The following DCDC1 variants were observed in gnomAD, a reference collection of about 807,000 sequenced individuals.
The protein encoded by DCDC1 is doublecortin domain-containing protein 1.
A neutral mutation model predicts 178.3 loss-of-function variants in DCDC1; 200 were observed. The ratio of observed to expected loss-of-function variants is 1.12; its 90% confidence interval spans 1.00 to 1.26. DCDC1 has a LOEUF of 1.26. DCDC1 is among the 50% of genes most tolerant of loss of function. The pLI, the probability that DCDC1 is intolerant of heterozygous loss-of-function variation, is 0.00. For synonymous variants in DCDC1, 690 were observed against 604.8 expected (o/e 1.14, Z -2.07); for missense variants, 1,983 against 1,749.2 (o/e 1.13, Z -2.38).
chr11:30,943,733 C>T, intron 21 of DCDC1: 1 of 412,214 alleles, frequency 2.4e-6, no homozygotes, highest in South Asian at 1.8e-5. Flanking sequence ...AAGGCTTTAC[C>T]ATATTTAAAA....
chr11:31,089,810 C>T (rs1438021160), intron 17 of DCDC1, among the ~76,000 whole-genome samples: 2 of 152,096 alleles, frequency 1.3e-5, no homozygotes, highest in Admixed American at 6.5e-5. Context: ...ATTTAGTTAA[C>T]ATGTTCAATC....
intron 3 of DCDC1, among the ~76,000 whole-genome samples, chr11:31,313,744 T>C (rs1336197753): frequency 6.6e-6 from 1 of 152,156 alleles, no homozygotes; most frequent in Admixed American, 6.6e-5. Flanking sequence ...ACAGGTATAG[T>C]TCCTTTGCAT....
chr11:31,213,865 T>C (rs1277699364), intron 9 of DCDC1, among the ~76,000 whole-genome samples: 1 of 134,826 alleles, frequency 7.4e-6, no homozygotes, highest in Non-Finnish European at 1.7e-5. Context: ...TCACTCATAT[T>C]AGAGAAAAAG....
intron 20 of DCDC1, among the ~76,000 whole-genome samples, chr11:31,040,524 G>T (rs1021392510): frequency 2.2e-4 from 33 of 152,168 alleles, no homozygotes; most frequent in African/African-American, 7.2e-4. Context: ...AATTCTTCCA[G>T]TTACTGGTTG....
At position 30,908,935 on chromosome 11, in the gene DCDC1, G is replaced by A. The variant is rs201404218; in HGVS notation, c.3918+11C>T. On this transcript the variant is annotated intron_variant, in intron 29 of 38. Transcript: ENST00000684477. Reference sequence around the variant, plus strand: ...TTTTTCTTTTATCTTTGAGAGGAAGGAACCACTTACTGGTTGATCAATGTT... The same window carrying A: ...TTTTTCTTTTATCTTTGAGAGGAAGAAACCACTTACTGGTTGATCAATGTT... 2 of 1,573,278 alleles carry A rather than the reference G, an allele frequency of 1.3e-6. No individual in the cohort carries two copies. The highest frequency in any genetic ancestry group is 2.3e-5 in the East Asian group (1 of 43,534).
chr11:31,149,973 T>C (rs1964980518), intron 9 of DCDC1, among the ~76,000 whole-genome samples: 1 of 152,216 alleles, frequency 6.6e-6, no homozygotes, highest in Admixed American at 6.5e-5. Flanking sequence ...ATCAAATGGT[T>C]GTTCTACTTT....
intron 20 of DCDC1, among the ~76,000 whole-genome samples, chr11:30,995,868 C>T (rs1383326899): frequency 6.6e-6 from 1 of 152,164 alleles, no homozygotes; most frequent in African/African-American, 2.4e-5. Flanking sequence ...ATTTTAGATA[C>T]ATCCCCAAAG....
intron 9 of DCDC1, among the ~76,000 whole-genome samples, chr11:31,164,595 T>G (rs1337834189): frequency 6.6e-6 from 1 of 152,038 alleles, no homozygotes; most frequent in Non-Finnish European, 1.5e-5. Flanking sequence ...AGAAAAAAGT[T>G]TATAGAAGGA....
At chr11:31,114,199 C>A (rs972887959) in intron 11 of DCDC1, among the ~76,000 whole-genome samples, 4 of 152,084 alleles carry the variant, frequency 2.6e-5, no homozygotes, top group Admixed American at 2.6e-4. Context: ...CTTAGCCATA[C>A]CTCAAAAATG....
chr11:31,113,780 G>C (rs1352626868), intron 11 of DCDC1, among the ~76,000 whole-genome samples: 2 of 151,934 alleles, frequency 1.3e-5, no homozygotes, highest in Non-Finnish European at 2.9e-5. Flanking sequence ...CTCTAGCATG[G>C]TTAATAAAAA....
intron 20 of DCDC1, among the ~76,000 whole-genome samples, chr11:30,965,604 A>ATT (rs34030732): frequency 4.8e-4 from 72 of 148,472 alleles, no homozygotes; most frequent in African/African-American, 1.3e-3. Context: ...TGTTTTTTTA[A>ATT]TTTTTTTTTA....
intron 9 of DCDC1, among the ~76,000 whole-genome samples, chr11:31,228,633 A>G (rs1357054806): frequency 1.3e-5 from 2 of 152,078 alleles, no homozygotes; most frequent in Non-Finnish European, 2.9e-5. Flanking sequence ...CTTGGAAAAT[A>G]TCAATAAAAT....
chr11:31,203,424 T>C (rs1366557834), intron 9 of DCDC1, among the ~76,000 whole-genome samples: 1 of 152,150 alleles, frequency 6.6e-6, no homozygotes, highest in Admixed American at 6.6e-5. Flanking sequence ...TCTGAGGTCA[T>C]AGGGATAGTT....
chr11:31,102,201 C>T lies in DCDC1; in HGVS notation c.1959G>A (p.Leu653=), dbSNP rs759882729. 4.1e-6 allele frequency: 3 copies of T among 727,278 alleles called. No individual in the cohort carries two copies. Among genetic ancestry groups the T allele is most frequent in the Non-Finnish European group, 5.1e-6 (2 of 394,388 alleles). 45.1% of individuals were successfully genotyped at this position (727,278 alleles called of 1,614,324 possible). ...CCTTGTTCTGTAGAAAATGGTTCTC[C>T]AAGTCCACCTTTTCAAACTGGTCAG... ...QIPDQFEKVD[L]ENHFLQNKVD... is the part of the protein sequence containing the mutation. Residue 653 remains leucine, a synonymous_variant, in exon 15 of 39, where the codon TTG becomes TTA. Coordinates refer to ENST00000684477, the MANE Select transcript of DCDC1 (RefSeq NM_001387274.1).
At chr11:31,038,723 G>T (rs909757534) in intron 20 of DCDC1, among the ~76,000 whole-genome samples, 4 of 152,128 alleles carry the variant, frequency 2.6e-5, no homozygotes, top group African/African-American at 9.7e-5. Flanking sequence ...AGTGCTCCTG[G>T]CATGGAGCAT....
chr11:31,363,291 C>A (rs1289193327), intron 1 of DCDC1, among the ~76,000 whole-genome samples: 1 of 152,098 alleles, frequency 6.6e-6, no homozygotes, highest in Admixed American at 6.5e-5. Context: ...ATGAATTCTA[C>A]TCTTCCATAT....
Position 30,935,587 on chromosome 11 carries a change from C to T in DCDC1, c.2716-3635G>A, listed in dbSNP as rs146293955. ...TGGGTTTTTTTGAGACAGAGTCCCA[C>T]CCTGTCACCAGGCTGGAGTACAATG... is the stretch of plus-strand genomic sequence containing the variant. On this transcript the variant is annotated intron_variant, in intron 21 of 38. Transcript: ENST00000684477. 8.6e-4 allele frequency among the ~76,000 whole-genome samples: 131 copies of T among 152,246 alleles called. 1 individual carries two copies. Among genetic ancestry groups the T allele is most frequent in the Admixed American group, 1.6e-3 (24 of 15,292 alleles).
At chr11:31,080,939 T>A (rs760496765) in intron 17 of DCDC1, among the ~76,000 whole-genome samples, 117 of 152,330 alleles carry the variant, frequency 7.7e-4, no homozygotes, top group Middle Eastern at 6.8e-3. Context: ...ATCTGTAAAA[T>A]TCAGAATTTT....
chr11:31,109,292 T>G (rs1055162703), intron 12 of DCDC1, among the ~76,000 whole-genome samples: 9 of 151,990 alleles, frequency 5.9e-5, no homozygotes, highest in Non-Finnish European at 1.3e-4. Flanking sequence ...TAATTTTTTT[T>G]ATTTTTTGTA....
Sources: gnomAD v4.1 joint callset for allele counts (sites outside exome capture counted in the v4.1 genomes callset) on GRCh38, gnomAD v4.1.1 for gene constraint, MANE v1.5 for transcripts, NCBI Gene and HGNC (gene_info 2026-07-23, HGNC 2026-07-21) for gene names.